Variants in THSD7A observed in about 807,000 individuals in gnomAD.
THSD7A encodes the protein thrombospondin type 1 domain containing 7A, also known as thrombospondin type-1 domain-containing protein 7A.
Under a neutral mutation model 231.3 loss-of-function variants are expected in THSD7A, and 96 were observed. The ratio of observed to expected loss-of-function variants is 0.41; its 90% CI spans 0.35 to 0.49. THSD7A has a LOEUF of 0.49. Among genes scored for constraint, THSD7A ranks in the 20% least tolerant of loss-of-function variants. THSD7A has a pLI of 0.05. For missense variants in THSD7A, 2,290 were observed against 2,070.2 expected (o/e 1.11, Z -2.06); for synonymous variants, 940 against 743.3 (o/e 1.26, Z -4.30).
chr7:11,601,599 T>C (rs1461482504), intron 2 of THSD7A, among the ~76,000 whole-genome samples: 7 of 152,206 alleles, frequency 4.6e-5, no homozygotes, highest in Non-Finnish European at 1.0e-4. Flanking sequence ...CAACTCATCT[T>C]GCATCTGAAC....
At chr7:11,750,775 C>T (rs1396440080) in intron 1 of THSD7A, among the ~76,000 whole-genome samples, 4 of 151,928 alleles carry the variant, frequency 2.6e-5, no homozygotes. Flanking sequence ...AAATAAAGGA[C>T]AAATTTGCAA....
intron 13 of THSD7A, among the ~76,000 whole-genome samples, chr7:11,433,094 G>T (rs1344965294): frequency 6.6e-6 from 1 of 151,954 alleles, no homozygotes; most frequent in Non-Finnish European, 1.5e-5. Flanking sequence ...TATTCAAGAT[G>T]ACTTTTGGAG....
intron 6 of THSD7A, among the ~76,000 whole-genome samples, chr7:11,509,107 T>G (rs1233419230): frequency 2.0e-5 from 3 of 152,206 alleles, no homozygotes; most frequent in Non-Finnish European, 4.4e-5. Context: ...AAAATAAAAC[T>G]TTAAAAATAT....
chr7:11,375,933 G>A, intron 27 of THSD7A, 55 bp from the exon 28 acceptor site: 2 of 1,554,174 alleles, frequency 1.3e-6, no homozygotes, highest in Non-Finnish European at 1.8e-6. Context: ...TTGTAAATTT[G>A]ATTGCTTTAA....
chr7:11,773,483 T>C (rs963994377), intron 1 of THSD7A, among the ~76,000 whole-genome samples: 2 of 151,748 alleles, frequency 1.3e-5, no homozygotes, highest in Non-Finnish European at 2.9e-5. Context: ...TGAGCTGAAA[T>C]CGAGCCATTG....
chr7:11,399,925 T>C (rs1432315575), intron 23 of THSD7A, among the ~76,000 whole-genome samples: 1 of 151,978 alleles, frequency 6.6e-6, no homozygotes, highest in Non-Finnish European at 1.5e-5. Context: ...TGTCCATCAA[T>C]GATAGACTGG....
At chr7:11,428,685 T>C (rs887977772) in intron 14 of THSD7A, among the ~76,000 whole-genome samples, 1 of 152,194 alleles carries the variant, frequency 6.6e-6, no homozygotes, top group African/African-American at 2.4e-5. Flanking sequence ...CTTGACATTA[T>C]TTCAAAGATA....
intron 4 of THSD7A, among the ~76,000 whole-genome samples, chr7:11,549,741 G>A (rs1351347877): frequency 2.0e-5 from 3 of 151,700 alleles, no homozygotes; most frequent in African/African-American, 4.8e-5. Flanking sequence ...GACACAGGGA[G>A]GGGAACAACA....
chr7:11,395,943 C>A (rs995975044), intron 23 of THSD7A, among the ~76,000 whole-genome samples: 1 of 152,140 alleles, frequency 6.6e-6, no homozygotes, highest in African/African-American at 2.4e-5. Context: ...AACAAACAGT[C>A]TCTCAGACAC....
rs180957226 is a variant in THSD7A, at chr7:11,803,425, G to A, written c.190+28332C>T. Among the ~76,000 whole-genome samples the A allele has an allele frequency of 8.5e-4, 129 of 152,160 alleles. 5 individuals are homozygous for A. The highest frequency in any genetic ancestry group is 8.4e-3 in the Admixed American group (128 of 15,262). ...TATTTTCTCCATTTTGGCATAAATG[G>A]GTTTTAGGGTAGAAATGAAGCTAAA... is the stretch of plus-strand genomic sequence containing the variant. On this transcript the variant is annotated intron_variant, in intron 1 of 27. Coordinates refer to ENST00000423059, the MANE Select transcript of THSD7A (RefSeq NM_015204.3).
chr7:11,659,639 C>T (rs2128372601), intron 1 of THSD7A, among the ~76,000 whole-genome samples: 1 of 151,424 alleles, frequency 6.6e-6, no homozygotes, highest in South Asian at 2.1e-4. Context: ...AAGGTGGGTA[C>T]ATTCTTGTTA....
chr7:11,504,983 T>C (rs6943841), intron 6 of THSD7A, among the ~76,000 whole-genome samples: 43,856 of 152,000 alleles, frequency 0.29, 6,530 homozygotes, highest in South Asian at 0.42. Context: ...ATCTTTGTTG[T>C]AGGCATAAGG....
intron 1 of THSD7A, among the ~76,000 whole-genome samples, chr7:11,829,257 T>C (rs1211990187): frequency 6.6e-6 from 1 of 152,156 alleles, no homozygotes; most frequent in African/African-American, 2.4e-5. Context: ...GGGTCAACTT[T>C]ATATACCCTT....
intron 4 of THSD7A, among the ~76,000 whole-genome samples, chr7:11,562,521 TC>T (rs940397777): frequency 2.0e-5 from 3 of 152,194 alleles, no homozygotes; most frequent in Non-Finnish European, 2.9e-5. Context: ...TCTACCTTTT[TC>T]TTAAATTAGC....
At chr7:11,569,066 A>G (rs1367456159) in intron 4 of THSD7A, among the ~76,000 whole-genome samples, 1 of 152,080 alleles carries the variant, frequency 6.6e-6, no homozygotes, top group Non-Finnish European at 1.5e-5. Flanking sequence ...ACTTAAACAT[A>G]AGACCTGAAA....
chr7:11,760,348 T>G (rs1782814081), intron 1 of THSD7A, among the ~76,000 whole-genome samples: 1 of 152,070 alleles, frequency 6.6e-6, no homozygotes. Flanking sequence ...TCAAAAATAT[T>G]AAAGAAAACA....
intron 6 of THSD7A, among the ~76,000 whole-genome samples, chr7:11,488,458 A>G (rs914867807): frequency 6.6e-6 from 1 of 152,118 alleles, no homozygotes; most frequent in Non-Finnish European, 1.5e-5. Flanking sequence ...AAGAAGACCC[A>G]TGAACTGAGA....
intron 23 of THSD7A, among the ~76,000 whole-genome samples, chr7:11,396,653 C>CA (rs1283083784): frequency 6.6e-6 from 1 of 152,110 alleles, no homozygotes. Flanking sequence ...CTACCAACCA[C>CA]AAAAAGCCCA....
intron 1 of THSD7A, among the ~76,000 whole-genome samples, chr7:11,669,354 AT>A (rs1220357246): frequency 6.6e-6 from 1 of 151,932 alleles, no homozygotes; most frequent in East Asian, 1.9e-4. Flanking sequence ...TAATATATAT[AT>A]TTTTCTTTCT....
Sources: allele counts gnomAD v4.1 joint callset (sites outside exome capture counted in the v4.1 genomes callset), GRCh38; gene constraint gnomAD v4.1.1; transcripts MANE v1.5; gene names NCBI Gene and HGNC (gene_info 2026-07-23, HGNC 2026-07-21).